Variants in ZNF793 observed in about 807,000 individuals in gnomAD.
The protein encoded by ZNF793 is zinc finger protein 793.
ZNF793 carries 5 observed loss-of-function variants against 12.4 expected under a neutral mutation model. The observed-to-expected ratio is 0.40, with a 90% confidence interval of 0.21 to 0.84. The LOEUF (loss-of-function observed/expected upper bound fraction) is 0.84. Ranked by LOEUF, ZNF793 falls within the 40% of genes least tolerant of loss-of-function variation. The probability of loss-of-function intolerance (pLI) is 0.35; values close to 1 mark genes in which losing one functional copy is unlikely to be tolerated. For missense variants in ZNF793, 456 were observed against 495.0 expected (o/e 0.92, Z 0.75); for synonymous variants, 162 against 172.4 (o/e 0.94, Z 0.47).
At chr19:37,526,868 A>G (rs1470307369) in intron 5 of ZNF793, among the ~76,000 whole-genome samples, 1 of 152,218 alleles carries the variant, frequency 6.6e-6, no homozygotes, top group Non-Finnish European at 1.5e-5. Context: ...CAGCACTGCA[A>G]TAGAGCTACC....
At chr19:37,523,340 C>G in intron 4 of ZNF793, 70 bp from the exon 5 acceptor site, 1 of 1,247,656 alleles carries the variant, frequency 8.0e-7, no homozygotes, top group South Asian at 1.3e-5. Flanking sequence ...ATTTCCAAGA[C>G]AGGCCTAGCT....
intron 5 of ZNF793, among the ~76,000 whole-genome samples, chr19:37,526,442 C>T (rs768027966): frequency 2.0e-5 from 3 of 152,216 alleles, no homozygotes; most frequent in East Asian, 1.9e-4. Flanking sequence ...CCTCTTCATT[C>T]CTGTGTTCTG....
intron 3 of ZNF793, among the ~76,000 whole-genome samples, chr19:37,521,733 G>T (rs1396642069): frequency 6.6e-6 from 1 of 151,820 alleles, no homozygotes; most frequent in Non-Finnish European, 1.5e-5. Flanking sequence ...GTGAGCCACC[G>T]CACCCAGCCT....
chr19:37,515,981 T>TATTATGAAAAATAAGTATTATAAAA (rs200060083), intron 2 of ZNF793, among the ~76,000 whole-genome samples: 1 of 152,144 alleles, frequency 6.6e-6, no homozygotes, highest in Admixed American at 6.5e-5. Flanking sequence ...GAAAAATAAG[T>TATTATGAAAAATAAGTATTATAAAA]AACAAGAGGT....
At chr19:37,510,683 CA>C (rs1049585878) in intron 2 of ZNF793, among the ~76,000 whole-genome samples, 57 of 140,126 alleles carry the variant, frequency 4.1e-4, no homozygotes, top group African/African-American at 1.1e-3. Flanking sequence ...GACCCTGTTT[CA>C]AAAAAAAAAA....
In ZNF793 at chr19:37,537,645, T is replaced by C; in HGVS notation, c.987T>C (p.His329=). 4 of 1,613,738 alleles carry C rather than the reference T, an allele frequency of 2.5e-6. No homozygotes were observed. The South Asian group carries it at 4.4e-5, about 18-fold the overall frequency. ...GTGAGAAGTCATACCTCAATGTACATCGAAAAATGCACACAGGAGAAAGAC... is the reference window on the plus strand; with the variant it reads ...GTGAGAAGTCATACCTCAATGTACACCGAAAAATGCACACAGGAGAAAGAC... The part of the protein sequence containing the change: ...SFGEKSYLNV[H]RKMHTGERPY... Residue 329 remains histidine (H), a synonymous_variant, in exon 8 of 8, where the codon CAT becomes CAC. Transcript: ENST00000627814.
At position 37,527,660 on chromosome 19, in the gene ZNF793, A is replaced by G. The variant is rs1484317661; in HGVS notation, c.15+4206A>G. On this transcript the variant is annotated intron_variant, in intron 5 of 7. Coordinates refer to ENST00000627814, the MANE Select transcript of ZNF793 (RefSeq NM_001013659.3). ...TTTGCATCTCATGTTATGTGGTCACATATAGTTAGGGAGCAGTCCACAAGA... is the reference window on the plus strand; with the variant it reads ...TTTGCATCTCATGTTATGTGGTCACGTATAGTTAGGGAGCAGTCCACAAGA... 2.0e-5 allele frequency among the ~76,000 whole-genome samples: 3 copies of G among 152,320 alleles called. No homozygotes were observed. In the South Asian group the frequency reaches 6.2e-4, roughly 32 times the overall value.
At position 37,538,641 on chromosome 19, in the gene ZNF793, A is replaced by G. The variant is rs890984785; in HGVS notation, c.*762A>G. ...GTATCATAATGGAAATCATGATCTA[A>G]TTGTGATACAAACTTTTCTAGAAAA... On this transcript the variant is annotated 3_prime_UTR_variant, in exon 8 of 8. Coordinates refer to ENST00000627814, the MANE Select transcript of ZNF793 (RefSeq NM_001013659.3). The G allele has an allele frequency of 6.6e-6, 1 of 152,226 alleles. No individual in the cohort carries two copies. The highest frequency in any genetic ancestry group is 1.5e-5 in the Non-Finnish European group (1 of 68,042). 9.4% of individuals were successfully genotyped at this position (152,226 alleles called of 1,614,324 possible).
chr19:37,510,899 G>T (rs1490710446), intron 2 of ZNF793, among the ~76,000 whole-genome samples: 1 of 151,758 alleles, frequency 6.6e-6, no homozygotes, highest in African/African-American at 2.4e-5. Flanking sequence ...GGGTTTCACT[G>T]TGTTAGCCAG....
At chr19:37,536,427 G>A (rs1342333903) in intron 7 of ZNF793, 1 of 401,196 alleles carries the variant, frequency 2.5e-6, no homozygotes, top group Admixed American at 4.3e-5. Context: ...GGATAGCAAG[G>A]TACTGTATAA....
At position 37,523,471 on chromosome 19, in the gene ZNF793, G is replaced by C. The variant is rs770778541; in HGVS notation, c.15+17G>C. The C allele has an allele frequency of 1.2e-6, 2 of 1,613,132 alleles. No individual in the cohort carries two copies. The highest frequency in any genetic ancestry group is 3.3e-5 in the Admixed American group (2 of 60,004). ...GAATACCAGGTAAGTATCACATTAA[G>C]TAGCCCAGTTTTCCTTCCTGGGGAA... On this transcript the variant is annotated intron_variant, in intron 5 of 7. Transcript: ENST00000627814.
rs1250132315 is a variant in ZNF793, at chr19:37,533,491, A to G, written c.238+88A>G. 5 of 1,192,214 alleles carry G rather than the reference A, an allele frequency of 4.2e-6. No homozygotes were observed. The African/African-American group carries it at 7.5e-5, about 18-fold the overall frequency. 73.9% of individuals were successfully genotyped at this position (1,192,214 alleles called of 1,614,324 possible). Reference sequence around the variant, plus strand: ...CAGCATTCTTCTCTTAAAAGCCTTGAAAGTCCTCCGAGAGCTTCAGCCACG... The same window carrying G: ...CAGCATTCTTCTCTTAAAAGCCTTGGAAGTCCTCCGAGAGCTTCAGCCACG... On this transcript the variant is annotated intron_variant, in intron 7 of 7. Transcript: ENST00000627814.
chr19:37,534,640 A>AT (rs1314901528), intron 7 of ZNF793: 1 of 147,442 alleles, frequency 6.8e-6, no homozygotes, highest in Non-Finnish European at 1.5e-5. Flanking sequence ...GGTTTTGTTG[A>AT]TTTTTTTTCT....
At chr19:37,531,945 A>C (rs1465975479) in intron 5 of ZNF793, among the ~76,000 whole-genome samples, 3 of 152,202 alleles carry the variant, frequency 2.0e-5, no homozygotes, top group Non-Finnish European at 4.4e-5. Context: ...AGAATATAAA[A>C]GGCCTTCCAG....
At chr19:37,536,642 G>A (rs1272378336) in intron 7 of ZNF793, 7 of 443,082 alleles carry the variant, frequency 1.6e-5, no homozygotes, top group Non-Finnish European at 2.4e-5. Context: ...GACTCCTTAA[G>A]AATAAGTTTG....
intron 1 of ZNF793, 163 bp downstream of exon 1, chr19:37,507,129 A>C (rs1461068760): frequency 6.6e-6 from 1 of 152,480 alleles, no homozygotes; most frequent in Non-Finnish European, 1.5e-5. Context: ...CGTGAGGGTC[A>C]ATGACAAGGG....
At chr19:37,517,137 G>T (rs1469183249) in intron 2 of ZNF793, among the ~76,000 whole-genome samples, 1 of 152,146 alleles carries the variant, frequency 6.6e-6, no homozygotes, top group Admixed American at 6.5e-5. Flanking sequence ...GTGCAGATGG[G>T]CATCCCCAGT....
In ZNF793 at chr19:37,537,068, G is replaced by C. The variant is rs1181324140; in HGVS notation, c.410G>C (p.Ser137Thr). The change falls in exon 8 of 8, where the codon AGT (serine) becomes ACT (threonine). Residue 137 changes from serine (S) to threonine (T), a missense_variant. Transcript: ENST00000627814. ...TDLFSSIQSP[S>T]NWNPCGKNLN... ...CTTTTTTCTTCAATCCAGAGCCCTA[G>C]TAACTGGAACCCTTGTGGAAAGAAT... 4 of 1,613,706 alleles carry C rather than the reference G, an allele frequency of 2.5e-6. No individual in the cohort carries two copies. Among genetic ancestry groups the C allele is most frequent in the Admixed American group, 3.3e-5 (2 of 59,980 alleles).
At chr19:37,506,459 C>A (rs951478458), upstream of ZNF793, 2 of 152,278 alleles carry the variant, frequency 1.3e-5, no homozygotes, top group Non-Finnish European at 2.9e-5. Context: ...GAGCGAGTCT[C>A]TTCGCTGCTC....
Sources: allele counts gnomAD v4.1 joint callset (sites outside exome capture counted in the v4.1 genomes callset), GRCh38; gene constraint gnomAD v4.1.1; transcripts MANE v1.5; gene names NCBI Gene and HGNC (gene_info 2026-07-23, HGNC 2026-07-21).